KCTD14: variants seen among roughly 807,000 people sequenced by gnomAD.
KCTD14 encodes the protein BTB/POZ domain-containing protein KCTD14.
KCTD14 carries 7 observed loss-of-function variants against 5.9 expected under a neutral mutation model. The observed-to-expected ratio is 1.19, with a 90% confidence interval of 0.68 to 2.23. The LOEUF (loss-of-function observed/expected upper bound fraction) is 2.23, where lower values mean the gene tolerates loss of function less well. KCTD14 is among the 30% of genes most tolerant of loss of function. KCTD14 has a pLI of 0.00. For missense variants in KCTD14, 342 were observed against 332.2 expected, an observed-to-expected ratio of 1.03 and a Z score of -0.23; for synonymous variants, 140 against 133.1, an observed-to-expected ratio of 1.05 and a Z score of -0.36.
chr11:78,034,215 T>C (rs1857721436), intron 2 of KCTD14, among the ~76,000 whole-genome samples: 1 of 151,996 alleles, frequency 6.6e-6, no homozygotes, highest in Non-Finnish European at 1.5e-5. Flanking sequence ...CTCAACCTCC[T>C]GGACTCGAGA....
chr11:78,019,494 T>A (rs1320761272), intron 1 of KCTD14, among the ~76,000 whole-genome samples: 6 of 151,888 alleles, frequency 4.0e-5, no homozygotes, highest in South Asian at 2.1e-4. Context: ...TGTAAAAAAA[T>A]TTTTTTAGAG....
chr11:78,044,119 G>C (rs144437366), intron 1 of KCTD14, among the ~76,000 whole-genome samples: 3 of 152,110 alleles, frequency 2.0e-5, no homozygotes, highest in African/African-American at 4.8e-5. Flanking sequence ...AGTTGTCAAC[G>C]TGCTCCCTCA....
chr11:78,033,901 G>GTGTATATATATATATATA, intron 2 of KCTD14, among the ~76,000 whole-genome samples: 11 of 115,590 alleles, frequency 9.5e-5, no homozygotes, highest in Admixed American at 3.9e-4. Context: ...GTGTGTGTGT[G>GTGTATATATATATATATA]TATATATATA....
chr11:78,036,465 C>T (rs1262750141), intron 2 of KCTD14, among the ~76,000 whole-genome samples: 1 of 152,138 alleles, frequency 6.6e-6, no homozygotes, highest in African/African-American at 2.4e-5. Context: ...AAAGATAAAA[C>T]CAAGGCCCAG....
upstream of KCTD14, among the ~76,000 whole-genome samples, chr11:78,025,843 G>A (rs947567847): frequency 1.5e-4 from 23 of 152,254 alleles, no homozygotes; most frequent in African/African-American, 5.3e-4. Context: ...TGGGTTATGC[G>A]CCGTGACTTC....
At chr11:78,020,803 G>A (rs73503601) in intron 1 of KCTD14, among the ~76,000 whole-genome samples, 4,305 of 152,202 alleles carry the variant, frequency 0.028, 189 homozygotes, top group African/African-American at 0.097. Context: ...GTGCCTCACC[G>A]CCATCCTTCC....
At chr11:78,045,354 T>C (rs1449016195) in intron 1 of KCTD14, among the ~76,000 whole-genome samples, 1 of 152,206 alleles carries the variant, frequency 6.6e-6, no homozygotes, top group Non-Finnish European at 1.5e-5. Context: ...TTGCCTGCCT[T>C]GGCCTCCCAA....
intron 2 of KCTD14, among the ~76,000 whole-genome samples, chr11:78,035,350 T>C (rs954437327): frequency 6.6e-6 from 1 of 152,026 alleles, no homozygotes; most frequent in African/African-American, 2.4e-5. Flanking sequence ...GAATATTCCT[T>C]CCCGGGCCCT....
upstream of KCTD14, among the ~76,000 whole-genome samples, chr11:78,025,116 GTGTA>G (rs1371293279): frequency 8.7e-3 from 595 of 68,414 alleles, 1 homozygote; most frequent in Admixed American, 0.029. Flanking sequence ...GTGTGTGTGT[GTGTA>G]TATATATATA....
At chr11:78,026,615 A>G (rs1282349894), upstream of KCTD14, among the ~76,000 whole-genome samples, 3 of 151,856 alleles carry the variant, frequency 2.0e-5, no homozygotes, top group Admixed American at 6.6e-5. Context: ...CAAAAAATAC[A>G]AAGCTTAGTC....
chr11:78,019,283 G>A (rs1355729643), intron 1 of KCTD14, among the ~76,000 whole-genome samples: 2 of 152,004 alleles, frequency 1.3e-5, no homozygotes, highest in Non-Finnish European at 2.9e-5. Context: ...CAAAGTGTTG[G>A]GATTACAGGC....
At chr11:78,044,889 C>A (rs1274102504) in intron 1 of KCTD14, among the ~76,000 whole-genome samples, 2 of 152,180 alleles carry the variant, frequency 1.3e-5, no homozygotes, top group Non-Finnish European at 2.9e-5. Context: ...GCCTCCCCTC[C>A]CTTGATATTT....
At chr11:78,020,083 G>A (rs1857271516) in intron 1 of KCTD14, among the ~76,000 whole-genome samples, 1 of 152,188 alleles carries the variant, frequency 6.6e-6, no homozygotes, top group Admixed American at 6.5e-5. Context: ...CGAAATAGAC[G>A]GCTTAAGCAT....
In KCTD14 at chr11:78,032,703, CT is replaced by C. The variant is rs35820886; in HGVS notation, c.-1+5960del. Among the ~76,000 whole-genome samples the C allele has an allele frequency of 9.6e-3, 1,182 of 123,492 alleles. 15 individuals are homozygous for C. The highest frequency in any genetic ancestry group is 0.033 in the African/African-American group (1,067 of 32,140). 81.0% of individuals were successfully genotyped at this position (123,492 alleles called of 152,430 possible). ...TGGGAGAACATAAAGTGATCTACTT[CT>C]TTTTTTTTTTTTTTTTTTGAGACAG... On this transcript the variant is annotated intron_variant, in intron 2 of 2. Coordinates refer to the KCTD14 transcript ENST00000533144.
At chr11:78,045,279 A>AT (rs1299331272) in intron 1 of KCTD14, among the ~76,000 whole-genome samples, 1 of 152,024 alleles carries the variant, frequency 6.6e-6, no homozygotes, top group Non-Finnish European at 1.5e-5. Flanking sequence ...ATTTTTTTGT[A>AT]TTTTTTGTAG....
intron 2 of KCTD14, among the ~76,000 whole-genome samples, chr11:78,034,169 G>C (rs1260581565): frequency 6.6e-6 from 1 of 151,900 alleles, no homozygotes; most frequent in East Asian, 1.9e-4. Flanking sequence ...ACCCAGGCTG[G>C]AGTTCAGGGG....
chr11:78,025,252 A>G (rs1007919645), upstream of KCTD14, among the ~76,000 whole-genome samples: 9 of 151,222 alleles, frequency 6.0e-5, no homozygotes, highest in African/African-American at 2.2e-4. Context: ...CCGAGTTCCA[A>G]AAATGAAGAA....
chr11:78,037,767 C>G (rs1857855009), intron 2 of KCTD14, among the ~76,000 whole-genome samples: 1 of 151,992 alleles, frequency 6.6e-6, no homozygotes, highest in South Asian at 2.1e-4. Context: ...TGCAGTGAGC[C>G]AAGATCGCGC....
chr11:78,035,295 A>G lies in KCTD14; in HGVS notation c.-1+3369T>C, dbSNP rs1047077429. On this transcript the variant is annotated intron_variant, in intron 2 of 2. Coordinates refer to the KCTD14 transcript ENST00000533144. ...CCTGGCTTCCAACTGAGTTTGGCCAATGGGAGCTTAGCGGGAGATCAGAGG... is the reference window on the plus strand; with the variant it reads ...CCTGGCTTCCAACTGAGTTTGGCCAGTGGGAGCTTAGCGGGAGATCAGAGG... Among the ~76,000 whole-genome samples, 4 of 152,060 alleles carry G rather than the reference A, an allele frequency of 2.6e-5. No homozygotes were observed. In the East Asian group the frequency reaches 7.7e-4, roughly 29 times the overall value.
Sources: allele counts gnomAD v4.1 joint callset (sites outside exome capture counted in the v4.1 genomes callset), GRCh38; gene constraint gnomAD v4.1.1; transcripts MANE v1.5; gene names NCBI Gene and HGNC (gene_info 2026-07-23, HGNC 2026-07-21).